Variants in LMO1 observed in about 807,000 individuals in gnomAD.
The protein encoded by LMO1 is rhombotin-1.
LMO1 carries 10 observed loss-of-function variants against 18.0 expected under a neutral mutation model. The observed-to-expected ratio is 0.55, with a 90% CI of 0.34 to 0.94. The LOEUF (loss-of-function observed/expected upper bound fraction) is 0.94, where lower values mean the gene tolerates loss of function less well. Among genes scored for constraint, LMO1 ranks in the 40% least tolerant of loss-of-function variants. The probability of loss-of-function intolerance (pLI) is 0.02; values close to 1 mark genes in which losing one functional copy is unlikely to be tolerated. For synonymous variants in LMO1, 77 were observed against 77.9 expected (o/e 0.99, Z 0.06); for missense variants, 183 against 205.7 (o/e 0.89, Z 0.68).
Position 8,263,644 on chromosome 11 carries a change from G to C in LMO1, c.-282C>G. On this transcript the variant is annotated 5_prime_UTR_variant, in exon 1 of 4. Transcript: ENST00000335790. ...AGAGGGAGAGAGAAGGGGGAAAAGA[G>C]GATCAGAGCCGTTTCTTTGATTCTC... The C allele has an allele frequency of 7.5e-7, 1 of 1,326,488 alleles. No individual in the cohort carries two copies. Among genetic ancestry groups the C allele is most frequent in the South Asian group, 2.0e-5 (1 of 49,114 alleles). 82.2% of individuals were successfully genotyped at this position (1,326,488 alleles called of 1,614,324 possible).
upstream of LMO1, among the ~76,000 whole-genome samples, chr11:8,264,645 T>C (rs1847242993): frequency 6.6e-6 from 1 of 152,070 alleles, no homozygotes; most frequent in African/African-American, 2.4e-5. Context: ...TGTTTTTTCT[T>C]TTTTAAGATG....
At chr11:8,232,964 A>T (rs1353490970) in intron 1 of LMO1, among the ~76,000 whole-genome samples, 1 of 152,144 alleles carries the variant, frequency 6.6e-6, no homozygotes, top group Non-Finnish European at 1.5e-5. Context: ...CTGGTCGACA[A>T]TCTCTTCACT....
chr11:8,260,820 C>T (rs1323206258), intron 1 of LMO1, among the ~76,000 whole-genome samples: 1 of 152,074 alleles, frequency 6.6e-6, no homozygotes, highest in Non-Finnish European at 1.5e-5. Flanking sequence ...TAATAGCAGC[C>T]CTGAGTCCCT....
chr11:8,232,156 A>G (rs1952673840), intron 1 of LMO1, among the ~76,000 whole-genome samples: 1 of 152,124 alleles, frequency 6.6e-6, no homozygotes, highest in Non-Finnish European at 1.5e-5. Context: ...GTGCAGGGCC[A>G]GTGGCTCCCT....
chr11:8,230,214 A>G (rs1952628002), intron 2 of LMO1, 77 bp downstream of exon 2: 2 of 1,325,186 alleles, frequency 1.5e-6, no homozygotes, highest in Middle Eastern at 2.4e-4. Flanking sequence ...GGCCGGGGGC[A>G]CAGTCACGCT....
In LMO1 at chr11:8,230,616, G is replaced by A. The variant is rs114189638; in HGVS notation, c.26-112C>T. Reference sequence around the variant, plus strand: ...TGCTTCTCTCTGCTGCCCCCTCTAGGTTTGGGGCTCCCAGGAGCCCTCGCT... The same window carrying A: ...TGCTTCTCTCTGCTGCCCCCTCTAGATTTGGGGCTCCCAGGAGCCCTCGCT... On this transcript the variant is annotated intron_variant, in intron 1 of 3. Coordinates refer to ENST00000335790, the MANE Select transcript of LMO1 (RefSeq NM_002315.3). The A allele has an allele frequency of 1.2e-3, 1,352 of 1,142,608 alleles. 10 individuals carry two copies. In the African/African-American group the frequency reaches 0.019, roughly 16 times the overall value. 70.8% of individuals were successfully genotyped at this position (1,142,608 alleles called of 1,614,324 possible). A position where few individuals can be genotyped will look rare whatever the true frequency, so the allele number is the denominator to read the frequency against.
At chr11:8,247,805 T>G (rs1846921274) in intron 1 of LMO1, among the ~76,000 whole-genome samples, 1 of 152,224 alleles carries the variant, frequency 6.6e-6, no homozygotes, top group Non-Finnish European at 1.5e-5. Flanking sequence ...CCCTTGGAAC[T>G]TCTCTAAATT....
At chr11:8,234,741 GC>G (rs974056289) in intron 1 of LMO1, among the ~76,000 whole-genome samples, 3 of 152,146 alleles carry the variant, frequency 2.0e-5, no homozygotes, top group Non-Finnish European at 4.4e-5. Flanking sequence ...TGCTGGCTCT[GC>G]CCCCTGCAGG....
chr11:8,263,321 C>T lies in LMO1; in HGVS notation c.25+17G>A. The T allele has an allele frequency of 1.0e-5, 16 of 1,597,648 alleles. No individual in the cohort carries two copies. Among genetic ancestry groups the T allele is most frequent in the Non-Finnish European group, 1.4e-5 (16 of 1,177,104 alleles). ...GCGAGGGGGTGAGGGGCGTCGAGAC[C>T]CCGGCCCGCCACCTACCGTCCTCCT... On this transcript the variant is annotated intron_variant, in intron 1 of 3. Coordinates refer to ENST00000335790, the MANE Select transcript of LMO1 (RefSeq NM_002315.3).
chr11:8,244,435 C>T (rs919356114), intron 1 of LMO1, among the ~76,000 whole-genome samples: 1 of 152,246 alleles, frequency 6.6e-6, no homozygotes, highest in Non-Finnish European at 1.5e-5. Flanking sequence ...GCCCTGTGAG[C>T]GGAACCCGCA....
upstream of LMO1, chr11:8,263,969 C>G: frequency 4.2e-6 from 3 of 721,600 alleles, no homozygotes; most frequent in Non-Finnish European, 5.2e-6. Flanking sequence ...GCACGGCTGT[C>G]CGGCTCCGCA....
chr11:8,241,372 C>G (rs1428611645), intron 1 of LMO1, among the ~76,000 whole-genome samples: 1 of 152,254 alleles, frequency 6.6e-6, no homozygotes, highest in African/African-American at 2.4e-5. Flanking sequence ...CTTCACACGG[C>G]AGCTGGAGAG....
At chr11:8,236,088 T>G (rs1464500269) in intron 1 of LMO1, among the ~76,000 whole-genome samples, 1 of 152,136 alleles carries the variant, frequency 6.6e-6, no homozygotes, top group African/African-American at 2.4e-5. Context: ...GCTGTTCCAG[T>G]GACCAGCCAC....
chr11:8,227,585 C>T (rs1056342182), intron 2 of LMO1, among the ~76,000 whole-genome samples: 3 of 152,240 alleles, frequency 2.0e-5, no homozygotes, highest in African/African-American at 7.2e-5. Flanking sequence ...TTCTCAGTCA[C>T]AACTCACTAA....
upstream of LMO1, chr11:8,268,432 T>C: frequency 6.8e-7 from 1 of 1,469,436 alleles, no homozygotes; most frequent in Non-Finnish European, 9.0e-7. Context: ...CCTACCGTCC[T>C]CCTGGTCCAA....
intron 2 of LMO1, among the ~76,000 whole-genome samples, chr11:8,229,853 G>C (rs1952620541): frequency 6.6e-6 from 1 of 152,214 alleles, no homozygotes; most frequent in South Asian, 2.1e-4. Context: ...AGAAAGGAAA[G>C]TTGGACACTG....
intron 2 of LMO1, 65 bp from the exon 3 acceptor site, chr11:8,227,165 G>C: frequency 6.4e-6 from 10 of 1,569,820 alleles, no homozygotes; most frequent in Non-Finnish European, 8.6e-6. Context: ...AGGGGGAAAG[G>C]AGTTGCCTCC....
At chr11:8,257,961 G>A (rs1847125336) in intron 1 of LMO1, among the ~76,000 whole-genome samples, 1 of 152,216 alleles carries the variant, frequency 6.6e-6, no homozygotes, top group African/African-American at 2.4e-5. Flanking sequence ...TGTGTACATG[G>A]ACAGTACCTC....
Position 8,226,945 on chromosome 11 carries a change from G to T in LMO1, c.365+30C>A, listed in dbSNP as rs188000935. On this transcript the variant is annotated intron_variant, in intron 3 of 3. Coordinates refer to ENST00000335790, the MANE Select transcript of LMO1 (RefSeq NM_002315.3). ...CAGGCCTCAGGCTGGCGTCTGGGGA[G>T]TGTGTTGGGTCGGCCAGTCCAGCAC... 2.5e-3 allele frequency: 3,909 copies of T among 1,594,150 alleles called. 4 individuals carry two copies. Among genetic ancestry groups the T allele is most frequent in the Non-Finnish European group, 3.0e-3 (3,468 of 1,166,622 alleles).
Sources: gnomAD v4.1 joint callset for allele counts (sites outside exome capture counted in the v4.1 genomes callset) on GRCh38, gnomAD v4.1.1 for gene constraint, MANE v1.5 for transcripts, NCBI Gene and HGNC (gene_info 2026-07-23, HGNC 2026-07-21) for gene names.